HNF4A: variants seen among roughly 807,000 people sequenced by gnomAD.
HNF4A encodes the protein hepatocyte nuclear factor 4 alpha.
Under a neutral mutation model 52.4 loss-of-function variants are expected in HNF4A, and 15 were observed. That is an observed-to-expected ratio of 0.29 (90% confidence interval 0.19 to 0.44). The LOEUF is 0.44. Ranked by LOEUF, HNF4A falls within the 20% of genes least tolerant of loss-of-function variation. The pLI is 1.00. For synonymous variants in HNF4A, 280 were observed against 264.4 expected (o/e 1.06, Z -0.57); for missense variants, 479 against 647.2 (o/e 0.74, Z 2.82).
chr20:44,356,184 T>C (rs1229125396), intron 1 of HNF4A, among the ~76,000 whole-genome samples: 1 of 152,078 alleles, frequency 6.6e-6, no homozygotes, highest in Non-Finnish European at 1.5e-5. Flanking sequence ...ACCGTCCTGT[T>C]TCGATGCGGG....
At chr20:44,358,629 CA>C (rs11470384) in intron 1 of HNF4A, among the ~76,000 whole-genome samples, 2 of 150,572 alleles carry the variant, frequency 1.3e-5, no homozygotes, top group Non-Finnish European at 2.9e-5. Flanking sequence ...CAAAACAAAA[CA>C]AAAAAACAAA....
intron 1 of HNF4A, among the ~76,000 whole-genome samples, chr20:44,387,660 G>GA (rs1191497316): frequency 5.2e-5 from 5 of 96,314 alleles, no homozygotes; most frequent in African/African-American, 1.3e-4. Context: ...GCAGGCGGGG[G>GA]GGGGGGGAGG....
intron 6 of HNF4A, among the ~76,000 whole-genome samples, chr20:44,418,871 G>T (rs11574740): frequency 1.3e-5 from 2 of 152,118 alleles, no homozygotes; most frequent in Non-Finnish European, 2.9e-5. Context: ...CACCCGCCAC[G>T]TTCAAGCAAT....
upstream of HNF4A, among the ~76,000 whole-genome samples, chr20:44,396,413 A>G (rs1229140800): frequency 6.6e-6 from 1 of 152,020 alleles, no homozygotes; most frequent in Non-Finnish European, 1.5e-5. Context: ...GCAGAGGCAC[A>G]AGCTCCCTAC....
rs79382355 is a variant in HNF4A at position 44,381,096 on chromosome 20, C to G, written c.50-24962C>G. Among the ~76,000 whole-genome samples, 281 of 152,268 alleles carry G rather than the reference C, an allele frequency of 1.8e-3. 1 individual carries two copies. Among genetic ancestry groups the G allele is most frequent in the Admixed American group, 2.0e-3 (31 of 15,290 alleles). ...CTCACCATCCTTCCCTGACAGTTGA[C>G]CATTTAGCTTGGGCTTAATACTTCC... On this transcript the variant is annotated intron_variant, in intron 1 of 9. Coordinates refer to the HNF4A transcript ENST00000316673.
chr20:44,408,815 C>T (rs1220512881), intron 3 of HNF4A, among the ~76,000 whole-genome samples: 2 of 152,166 alleles, frequency 1.3e-5, no homozygotes, highest in Non-Finnish European at 1.5e-5. Flanking sequence ...CGACTAGTCC[C>T]AGACCTTCCC....
upstream of HNF4A, among the ~76,000 whole-genome samples, chr20:44,398,535 C>T (rs922635238): frequency 2.6e-5 from 4 of 152,108 alleles, no homozygotes; most frequent in African/African-American, 7.2e-5. Context: ...TACTGTTTGG[C>T]GTTGGCTAAG....
chr20:44,374,923 TC>T (rs1776282601), intron 1 of HNF4A, among the ~76,000 whole-genome samples: 1 of 152,240 alleles, frequency 6.6e-6, no homozygotes, highest in Non-Finnish European at 1.5e-5. Flanking sequence ...CAAATAGCTT[TC>T]CACAGTGGCT....
At chr20:44,391,858 A>C (rs2063306014) in intron 1 of HNF4A, among the ~76,000 whole-genome samples, 1 of 152,256 alleles carries the variant, frequency 6.6e-6, no homozygotes, top group Admixed American at 6.5e-5. Flanking sequence ...CAAGGAGAAC[A>C]GGTGAACAGG....
intron 1 of HNF4A, among the ~76,000 whole-genome samples, chr20:44,387,288 TAAAAAAAAAAAAAAAA>T (rs537843651): frequency 1.2e-5 from 1 of 82,012 alleles, no homozygotes; most frequent in Non-Finnish European, 2.3e-5. Flanking sequence ...AACTTCATCT[TAAAAAAAAAAAAAAAA>T]AAAAAAAAAG....
intron 7 of HNF4A, among the ~76,000 whole-genome samples, chr20:44,423,583 C>G (rs2146465436): frequency 6.6e-6 from 1 of 152,190 alleles, no homozygotes; most frequent in East Asian, 1.9e-4. Flanking sequence ...GTAGAAGCAG[C>G]AACTGCTGAG....
chr20:44,371,475 C>T (rs529702396), intron 1 of HNF4A, among the ~76,000 whole-genome samples: 1 of 151,562 alleles, frequency 6.6e-6, no homozygotes, highest in East Asian at 2.0e-4. Context: ...GACGGGGTTT[C>T]GCCATGTTGG....
intron 7 of HNF4A, among the ~76,000 whole-genome samples, chr20:44,421,398 G>A (rs766220588): frequency 2.4e-4 from 36 of 152,150 alleles, no homozygotes; most frequent in Admixed American, 5.2e-4. Context: ...ACATGTTAGA[G>A]GGGACCTACT....
At chr20:44,369,529 G>T (rs2063009932) in intron 1 of HNF4A, among the ~76,000 whole-genome samples, 1 of 152,272 alleles carries the variant, frequency 6.6e-6, no homozygotes, top group African/African-American at 2.4e-5. Flanking sequence ...CCTGGAAACA[G>T]TTGGGACAGG....
At chr20:44,401,838 C>A (rs965089000) in intron 1 of HNF4A, among the ~76,000 whole-genome samples, 3 of 152,180 alleles carry the variant, frequency 2.0e-5, no homozygotes, top group Admixed American at 6.5e-5. Context: ...AGCGATTCAG[C>A]CCAGCACGGC....
At chr20:44,420,674 G>A (rs1016894265) in intron 7 of HNF4A, among the ~76,000 whole-genome samples, 21 of 151,788 alleles carry the variant, frequency 1.4e-4, no homozygotes, top group Non-Finnish European at 2.2e-4. Context: ...CCAGCTACTC[G>A]GGAAGCCAAG....
At chr20:44,377,017 A>G (rs1600652309) in intron 1 of HNF4A, among the ~76,000 whole-genome samples, 1 of 152,110 alleles carries the variant, frequency 6.6e-6, no homozygotes, top group African/African-American at 2.4e-5. Flanking sequence ...CCTGGGCAAC[A>G]TGGTGAAACC....
chr20:44,391,228 G>A lies in HNF4A; in HGVS notation c.50-14830G>A, dbSNP rs189266055. Among the ~76,000 whole-genome samples, 111 of 152,130 alleles carry A rather than the reference G, an allele frequency of 7.3e-4. No individual in the cohort carries two copies. In the East Asian group the frequency reaches 0.015, roughly 21 times the overall value. ...CTCCTCCTGACTTCCCCTGCCACCC[G>A]CACCACCTGAGGCTGGCAGAGAGTT... On this transcript the variant is annotated intron_variant, in intron 1 of 9. Transcript: ENST00000316673.
intron 8 of HNF4A, among the ~76,000 whole-genome samples, chr20:44,427,591 T>A (rs2063828199): frequency 6.6e-6 from 1 of 152,224 alleles, no homozygotes; most frequent in Non-Finnish European, 1.5e-5. Flanking sequence ...GTATTTTTAC[T>A]CCCTGACATA....
Sources: gnomAD v4.1 joint callset for allele counts (sites outside exome capture counted in the v4.1 genomes callset) on GRCh38, gnomAD v4.1.1 for gene constraint, MANE v1.5 for transcripts, NCBI Gene and HGNC (gene_info 2026-07-23, HGNC 2026-07-21) for gene names.